Variants in CCNY observed in about 807,000 individuals in gnomAD.
The protein encoded by CCNY is cyclin-Y.
Under a neutral mutation model 42.8 loss-of-function variants are expected in CCNY, and 19 were observed. The ratio of observed to expected loss-of-function variants is 0.44; its 90% CI spans 0.31 to 0.65. CCNY has a LOEUF of 0.65. Ranked by LOEUF, CCNY falls within the 30% of genes least tolerant of loss-of-function variation. The probability of loss-of-function intolerance (pLI) is 0.07; values close to 1 mark genes in which losing one functional copy is unlikely to be tolerated. For missense variants in CCNY, 370 were observed against 437.3 expected (o/e 0.85, Z 1.37); for synonymous variants, 165 against 162.7 (o/e 1.01, Z -0.11).
At chr10:35,556,375 C>T (rs1008259577) in intron 8 of CCNY, among the ~76,000 whole-genome samples, 2 of 152,160 alleles carry the variant, frequency 1.3e-5, no homozygotes, top group African/African-American at 4.8e-5. Context: ...GGACTGCAGG[C>T]CCTGAGTAGG....
chr10:35,555,304 G>A (rs565304772), intron 8 of CCNY, among the ~76,000 whole-genome samples: 2 of 152,258 alleles, frequency 1.3e-5, no homozygotes, highest in South Asian at 2.1e-4. Flanking sequence ...CCTCAGTTAC[G>A]AAGATGTTTT....
chr10:35,365,820 C>G (rs1487700183), intron 1 of CCNY, among the ~76,000 whole-genome samples: 1 of 152,178 alleles, frequency 6.6e-6, no homozygotes, highest in East Asian at 1.9e-4. Context: ...TTTCACAGTT[C>G]TTCTGTTATC....
intron 1 of CCNY, among the ~76,000 whole-genome samples, chr10:35,372,509 G>T (rs990381034): frequency 6.6e-6 from 1 of 152,068 alleles, no homozygotes; most frequent in Non-Finnish European, 1.5e-5. Flanking sequence ...TCTCACTCTT[G>T]GCCCTCTCAG....
At chr10:35,266,576 T>C (rs1246197757) in intron 3 of CCNY, among the ~76,000 whole-genome samples, 1 of 152,120 alleles carries the variant, frequency 6.6e-6, no homozygotes, top group Admixed American at 6.6e-5. Context: ...ATGAAAATAC[T>C]TCTCATTAAC....
At chr10:35,304,288 CCTTTT>C (rs1255567915) in intron 3 of CCNY, among the ~76,000 whole-genome samples, 3 of 119,242 alleles carry the variant, frequency 2.5e-5, no homozygotes, top group Admixed American at 8.4e-5. Context: ...GCTTTTTTCT[CCTTTT>C]ATTTTTTTTT....
chr10:35,523,964 C>T (rs1840599322), intron 4 of CCNY, among the ~76,000 whole-genome samples: 1 of 152,180 alleles, frequency 6.6e-6, no homozygotes, highest in African/African-American at 2.4e-5. Context: ...CATCTTCTTT[C>T]TCAAAGACAT....
chr10:35,328,819 T>C (rs946961034), intron 3 of CCNY, among the ~76,000 whole-genome samples: 1 of 152,198 alleles, frequency 6.6e-6, no homozygotes, highest in African/African-American at 2.4e-5. Context: ...GAAACTGAGA[T>C]TGAGACAATT....
At chr10:35,314,126 A>G (rs1380951695) in intron 3 of CCNY, among the ~76,000 whole-genome samples, 2 of 152,146 alleles carry the variant, frequency 1.3e-5, no homozygotes, top group African/African-American at 4.8e-5. Flanking sequence ...TGTAATCCCA[A>G]TCTCATATTT....
chr10:35,285,573 T>C (rs747388548), intron 3 of CCNY, among the ~76,000 whole-genome samples: 1 of 152,184 alleles, frequency 6.6e-6, no homozygotes, highest in Non-Finnish European at 1.5e-5. Flanking sequence ...TACTCAGATG[T>C]GAGCCACCAC....
At chr10:35,434,608 C>CT (rs1209615212) in intron 1 of CCNY, among the ~76,000 whole-genome samples, 1 of 152,162 alleles carries the variant, frequency 6.6e-6, no homozygotes, top group Non-Finnish European at 1.5e-5. Context: ...TTGTCAAACA[C>CT]TTTTTACAAA....
intron 3 of CCNY, among the ~76,000 whole-genome samples, chr10:35,507,483 T>C (rs1421039153): frequency 6.6e-6 from 1 of 152,236 alleles, no homozygotes; most frequent in Non-Finnish European, 1.5e-5. Flanking sequence ...TTGTCTGCAT[T>C]CTGCCTTTTC....
chr10:35,458,969 A>G (rs1159621063), intron 1 of CCNY, among the ~76,000 whole-genome samples: 3 of 152,212 alleles, frequency 2.0e-5, no homozygotes, highest in Admixed American at 6.5e-5. Flanking sequence ...CAGGGGACAG[A>G]AAGACCAAAC....
At chr10:35,507,775 TGAA>T (rs1380595501) in intron 3 of CCNY, among the ~76,000 whole-genome samples, 1 of 146,132 alleles carries the variant, frequency 6.8e-6, no homozygotes. Context: ...TTGACACTGT[TGAA>T]GAATACAGGG....
intron 1 of CCNY, among the ~76,000 whole-genome samples, chr10:35,383,593 C>A (rs146854064): frequency 6.6e-6 from 1 of 152,156 alleles, no homozygotes; most frequent in Non-Finnish European, 1.5e-5. Flanking sequence ...CAGGCATGAG[C>A]CCTCGTGCCT....
intron 3 of CCNY, among the ~76,000 whole-genome samples, chr10:35,515,408 C>T (rs960924453): frequency 1.3e-5 from 2 of 152,146 alleles, no homozygotes; most frequent in Admixed American, 1.3e-4. Flanking sequence ...TCTCAGACTG[C>T]CTCACATTTT....
upstream of CCNY, among the ~76,000 whole-genome samples, chr10:35,335,698 A>AACACACACAC (rs372607794): frequency 6.6e-6 from 1 of 150,974 alleles, no homozygotes; most frequent in African/African-American, 2.4e-5. Flanking sequence ...ACAAAAAGTT[A>AACACACACAC]ACACACACAC....
At chr10:35,453,901 A>G (rs1359681147) in intron 1 of CCNY, among the ~76,000 whole-genome samples, 1 of 152,222 alleles carries the variant, frequency 6.6e-6, no homozygotes, top group Non-Finnish European at 1.5e-5. Flanking sequence ...CACATGAAAC[A>G]ATATTTGTCT....
At chr10:35,477,060 A>G in intron 1 of CCNY, among the ~76,000 whole-genome samples, 1 of 152,236 alleles carries the variant, frequency 6.6e-6, no homozygotes, top group Non-Finnish European at 1.5e-5. Flanking sequence ...ATTCCTGGAC[A>G]CATAGACTCT....
rs1841651346 is a variant in CCNY at position 35,569,852 on chromosome 10, C to G, written c.*682C>G. ...TTTTCTTCAACAATGGCGAAATTGA[C>G]TGTAGTGCTGAACCAAAAGTATCCC... is the stretch of plus-strand genomic sequence containing the variant. On this transcript the variant is annotated 3_prime_UTR_variant, in exon 10 of 10. Transcript: ENST00000374704. The G allele has an allele frequency of 6.5e-6, 1 of 152,864 alleles. No individual in the cohort carries two copies. Among genetic ancestry groups the G allele is most frequent in the African/African-American group, 2.4e-5 (1 of 41,444 alleles). The allele number at this position is 152,864 out of a possible 1,614,324, so 9.5% of individuals were successfully genotyped here.
Sources: allele counts gnomAD v4.1 joint callset (sites outside exome capture counted in the v4.1 genomes callset), GRCh38; gene constraint gnomAD v4.1.1; transcripts MANE v1.5; gene names NCBI Gene and HGNC (gene_info 2026-07-23, HGNC 2026-07-21).